Variants in PUS1 observed in about 807,000 individuals in gnomAD.
PUS1 encodes pseudouridine synthase 1.
PUS1 carries 25 observed loss-of-function variants against 38.5 expected under a neutral mutation model. The ratio of observed to expected loss-of-function variants is 0.65; its 90% CI spans 0.47 to 0.91. The LOEUF is 0.91. Among genes scored for constraint, PUS1 ranks in the 40% least tolerant of loss-of-function variants. PUS1 has a pLI of 0.00. For missense variants in PUS1, 597 were observed against 612.3 expected (o/e 0.97, Z 0.26); for synonymous variants, 282 against 260.4 (o/e 1.08, Z -0.80).
chr12:131,941,794 C>G lies in PUS1; in HGVS notation c.1047C>G (p.Asn349Lys), dbSNP rs145061048. The change falls in exon 5 of 6, where the codon AAC (asparagine) becomes AAG (lysine). Residue 349 changes from asparagine (N) to lysine (K), a missense_variant. Transcript: ENST00000376649. The surrounding 1 kb of genome is among the most constrained non-coding windows in gnomAD (Gnocchi z 4.4). The stretch of plus-strand genomic sequence containing the variant: ...AGAAGTACAACCAGCGCTTTGGCAA[C>G]GATGGGCTGCATGAGCCGCTGGACT... ...HFEKYNQRFG[N>K]DGLHEPLDWA... 1.7e-5 allele frequency: 27 copies of G among 1,613,170 alleles called. No homozygotes were observed. In the South Asian group the frequency reaches 2.4e-4, roughly 14 times the overall value.
chr12:131,932,006 A>G lies in PUS1; in HGVS notation c.304-169A>G, dbSNP rs766631709. 4 of 708,598 alleles carry G rather than the reference A, an allele frequency of 5.6e-6. No homozygotes were observed. The South Asian group carries it at 6.0e-5, about 11-fold the overall frequency. The allele number at this position is 708,598 out of a possible 1,614,324, so 43.9% of individuals were successfully genotyped here. ...CATGGAGCAGCCCGGCCCCAGGGTG[A>G]GTGAGCAGAAAACAGTGTTTTCACA... On this transcript the variant is annotated intron_variant, in intron 2 of 5. Coordinates refer to ENST00000376649, the MANE Select transcript of PUS1 (RefSeq NM_025215.6).
intron 3 of PUS1, among the ~76,000 whole-genome samples, chr12:131,933,713 G>A (rs2098277385): frequency 6.6e-6 from 1 of 152,258 alleles, no homozygotes; most frequent in Non-Finnish European, 1.5e-5. Flanking sequence ...ACAGGGAATG[G>A]GGATGTCTCT....
rs767309304 is a variant in PUS1, at chr12:131,941,983, G to C, written c.1236G>C (p.Lys412Asn). Residue 412 changes from lysine to asparagine, a missense_variant and splice_region_variant, in exon 5 of 6, where the codon AAG (lysine) becomes AAC (asparagine). Coordinates refer to ENST00000376649, the MANE Select transcript of PUS1 (RefSeq NM_025215.6). The surrounding 1 kb of genome is among the most constrained non-coding windows in gnomAD (Gnocchi z 4.4). ...TCACGGCAGGTGGCACGGGCGCCAA[G>C]GTAGGGGCACAGTCCCAGCAGTGCT... is the stretch of plus-strand genomic sequence containing the variant. ...TALTAGGTGAKVPSPLEGSEG... is the reference protein window; with the variant it reads ...TALTAGGTGANVPSPLEGSEG... 1.9e-6 allele frequency: 3 copies of C among 1,611,498 alleles called. No homozygotes were observed. Among genetic ancestry groups the C allele is most frequent in the African/African-American group, 2.7e-5 (2 of 74,884 alleles).
rs771290692 is a variant in PUS1, at chr12:131,941,822, G to A, written c.1075G>A (p.Ala359Thr). Residue 359 changes from alanine to threonine, a missense_variant, in exon 5 of 6, where the codon GCG becomes ACG. By Grantham distance (58) the Ala-to-Thr change is moderately conservative (BLOSUM62 0). Coordinates refer to ENST00000376649, the MANE Select transcript of PUS1 (RefSeq NM_025215.6). This position sits in a 1 kb window ranked among gnomAD's most constrained non-coding sequence, Gnocchi z 4.4. ...NDGLHEPLDW[A>T]QEEGKVAAFK... ...TGGGCTGCATGAGCCGCTGGACTGG[G>A]CGCAGGAGGAAGGAAAGGTCGCAGC... 1 of 1,613,994 alleles carries A rather than the reference G, an allele frequency of 6.2e-7. No individual in the cohort carries two copies. Among genetic ancestry groups the A allele is most frequent in the Non-Finnish European group, 8.5e-7 (1 of 1,179,944 alleles).
chr12:131,941,275 G>T lies in PUS1; in HGVS notation c.545-17G>T. ...CTTCTCACCTGCCTTTCTCCTCCCT[G>T]ACCACCTCCCCCCTAGGACTGAAGC... On this transcript the variant is annotated splice_polypyrimidine_tract_variant and intron_variant, in intron 4 of 5. Transcript: ENST00000376649. This position sits in a 1 kb window ranked among gnomAD's most constrained non-coding sequence, Gnocchi z 4.4. 1.2e-6 allele frequency: 2 copies of T among 1,612,344 alleles called. No homozygotes were observed. Among genetic ancestry groups the T allele is most frequent in the South Asian group, 2.2e-5 (2 of 90,974 alleles).
In PUS1 at chr12:131,929,743, G is replaced by C. The variant is rs1890495389; in HGVS notation, c.21G>C (p.Ala7=). Residue 7 remains alanine (A), a synonymous_variant, in exon 1 of 6, where the codon GCG becomes GCC. Transcript: ENST00000376649. The part of the protein sequence containing the change: MGLQLR[A]LLGAFGRWTL... ...TGCGCATGGGCCTCCAGCTTCGCGC[G>C]CTGTTGGGAGCCTTCGGACGGTGGA... 6.3e-7 allele frequency: 1 copy of C among 1,592,208 alleles called. No individual in the cohort carries two copies. Among genetic ancestry groups the C allele is most frequent in the South Asian group, 1.1e-5 (1 of 89,798 alleles).
chr12:131,941,528 C>G lies in PUS1; in HGVS notation c.781C>G (p.Arg261Gly). ...GGGGCCGCAGGATCCCAGTGCCTGC[C>G]GCTACATCCTGGAGATGTACTGCGA... ...QKGPQDPSACRYILEMYCEEP... is the reference protein window; with the variant it reads ...QKGPQDPSACGYILEMYCEEP... Residue 261 changes from arginine (R) to glycine (G), a missense_variant, in exon 5 of 6, where the codon CGC becomes GGC. By Grantham distance (125) the Arg-to-Gly change is moderately radical. Coordinates refer to ENST00000376649, the MANE Select transcript of PUS1 (RefSeq NM_025215.6). The surrounding 1 kb of genome is among the most constrained non-coding windows in gnomAD (Gnocchi z 4.4). The G allele has an allele frequency of 6.2e-7, 1 of 1,614,214 alleles. No individual in the cohort carries two copies. Among genetic ancestry groups the G allele is most frequent in the South Asian group, 1.1e-5 (1 of 91,086 alleles).
chr12:131,935,783 T>C (rs1689146258), intron 3 of PUS1, among the ~76,000 whole-genome samples: 1 of 152,258 alleles, frequency 6.6e-6, no homozygotes, highest in African/African-American at 2.4e-5. Flanking sequence ...TCTGCCTGCC[T>C]CGGCCTCCCA....
chr12:131,940,055 C>T (rs1299613954), intron 4 of PUS1, among the ~76,000 whole-genome samples: 1 of 151,002 alleles, frequency 6.6e-6, no homozygotes, highest in African/African-American at 2.4e-5. Flanking sequence ...GTGTTTGAGA[C>T]AGGGTCTTGT....
At chr12:131,933,379 A>T (rs527445131) in intron 3 of PUS1, among the ~76,000 whole-genome samples, 55 of 152,216 alleles carry the variant, frequency 3.6e-4, no homozygotes, top group African/African-American at 1.3e-3. Context: ...TATATTCAGG[A>T]TATCCTCATT....
intron 2 of PUS1, chr12:131,931,532 A>T (rs1890601497): frequency 6.5e-6 from 1 of 153,778 alleles, no homozygotes; most frequent in Non-Finnish European, 1.4e-5. Flanking sequence ...AGTCACTGGG[A>T]TTAAAAGCAT....
intron 3 of PUS1, among the ~76,000 whole-genome samples, chr12:131,938,400 G>A (rs908876706): frequency 4.6e-5 from 7 of 152,070 alleles, no homozygotes; most frequent in East Asian, 1.9e-4. Context: ...AGCCAAGATC[G>A]GCACCACTGC....
At chr12:131,943,422 A>G (rs1041708208) in intron 5 of PUS1, 117 bp from the exon 6 acceptor site, 2 of 838,430 alleles carry the variant, frequency 2.4e-6, no homozygotes, top group Middle Eastern at 2.2e-4. Context: ...TCTGCTCCTG[A>G]TGAGGGAGTG....
At chr12:131,939,932 T>C (rs1288829059) in intron 4 of PUS1, among the ~76,000 whole-genome samples, 1 of 152,076 alleles carries the variant, frequency 6.6e-6, no homozygotes, top group African/African-American at 2.4e-5. Context: ...TAATGATAGG[T>C]GTGGCTGGGC....
chr12:131,942,507 C>A (rs1161313929), intron 5 of PUS1, among the ~76,000 whole-genome samples: 2 of 152,142 alleles, frequency 1.3e-5, no homozygotes, highest in Non-Finnish European at 2.9e-5. Flanking sequence ...CCCGGGTTCA[C>A]GCCATTCTCC....
rs776118682 is a variant in PUS1, at chr12:131,930,025, C to T, written c.193C>T (p.Pro65Ser). The change falls in exon 2 of 6, where the codon CCG becomes TCG. Residue 65 changes from proline to serine, a missense_variant. Coordinates refer to ENST00000376649, the MANE Select transcript of PUS1 (RefSeq NM_025215.6). ...CCGCGTCTGGGAGGACGGAGAACATCCGGCGAAGAAGCTCAAGAGCGGTGG... is the reference window on the plus strand; with the variant it reads ...CCGCGTCTGGGAGGACGGAGAACATTCGGCGAAGAAGCTCAAGAGCGGTGG... ...GDRVWEDGEH[P>S]AKKLKSGGDE... The T allele has an allele frequency of 1.2e-5, 18 of 1,472,272 alleles. No homozygotes were observed. Among genetic ancestry groups the T allele is most frequent in the South Asian group, 1.1e-4 (8 of 71,380 alleles). The allele number at this position is 1,472,272 out of a possible 1,614,324, so 91.2% of individuals were successfully genotyped here.
Position 131,929,934 on chromosome 12 carries a change from G to A in PUS1, c.102G>A (p.Glu34=). 1 of 1,482,648 alleles carries A rather than the reference G, an allele frequency of 6.7e-7. No homozygotes were observed. The highest frequency in any genetic ancestry group is 1.3e-5 in the South Asian group (1 of 77,832). The allele number at this position is 1,482,648 out of a possible 1,614,324, so 91.8% of individuals were successfully genotyped here. A position where few individuals can be genotyped will look rare whatever the true frequency, so the allele number is the denominator to read the frequency against. The change falls in exon 2 of 6, where the codon GAG becomes GAA. Residue 34 remains glutamate, a synonymous_variant. Transcript: ENST00000376649. The stretch of plus-strand genomic sequence containing the variant: ...CGCCGCGCATGGCCGGGAACGCGGA[G>A]CCGCCGCCCGCCGGAGCCGCATGCC... ...SCSPRMAGNA[E]PPPAGAACPQ... is the part of the protein sequence containing the mutation.
chr12:131,942,625 C>T (rs1045492021), intron 5 of PUS1, among the ~76,000 whole-genome samples: 1 of 152,166 alleles, frequency 6.6e-6, no homozygotes, highest in African/African-American at 2.4e-5. Flanking sequence ...CCAGGATGGT[C>T]TTGATCTCCT....
In PUS1 at chr12:131,939,266, C is replaced by A. The variant is rs1311130749; in HGVS notation, c.535C>A (p.Arg179=). ...CAACAGCCACCTTCCCTCTCACATT[C>A]GGATTCTGGGTAAGCCTTGCAGTGC... ...KINSHLPSHI[R]ILGLKRVTGG... The change falls in exon 4 of 6, where the codon CGG becomes AGG. Residue 179 remains arginine, a synonymous_variant. Transcript: ENST00000376649. 1 of 1,555,112 alleles carries A rather than the reference C, an allele frequency of 6.4e-7. No homozygotes were observed. Among genetic ancestry groups the A allele is most frequent in the South Asian group, 1.2e-5 (1 of 84,722 alleles).
Sources: allele counts gnomAD v4.1 joint callset (sites outside exome capture counted in the v4.1 genomes callset), GRCh38; gene constraint gnomAD v4.1.1; non-coding constraint Gnocchi (gnomAD v3.1); transcripts MANE v1.5; gene names NCBI Gene and HGNC (gene_info 2026-07-23, HGNC 2026-07-21).